Variants in ZFAT observed in about 807,000 individuals in gnomAD.
The protein encoded by ZFAT is zinc finger protein ZFAT.
ZFAT carries 64 observed loss-of-function variants against 117.7 expected under a neutral mutation model. The observed-to-expected ratio is 0.54, with a 90% CI of 0.44 to 0.67. ZFAT has a LOEUF of 0.67. Ranked by LOEUF, ZFAT falls within the 30% of genes least tolerant of loss-of-function variation. The pLI, the probability that ZFAT is intolerant of heterozygous loss-of-function variation, is 0.00. For synonymous variants in ZFAT, 679 were observed against 615.0 expected, an observed-to-expected ratio of 1.10 and a Z score of -1.54; for missense variants, 1,433 against 1,584.5, an observed-to-expected ratio of 0.90 and a Z score of 1.62.
intron 1 of ZFAT, among the ~76,000 whole-genome samples, chr8:134,670,861 C>A (rs1438610606): frequency 6.6e-6 from 1 of 152,042 alleles, no homozygotes; most frequent in Non-Finnish European, 1.5e-5. Flanking sequence ...ACTAGCCACA[C>A]TAATAAAGAA....
the ZFAT span, among the ~76,000 whole-genome samples, chr8:134,811,477 C>T: frequency 6.6e-6 from 1 of 152,086 alleles, no homozygotes; most frequent in African/African-American, 2.4e-5. Context: ...TACCATTATT[C>T]CCAGGTCAGA....
the ZFAT span, among the ~76,000 whole-genome samples, chr8:134,802,666 A>G: frequency 3.0e-4 from 45 of 152,356 alleles, no homozygotes; most frequent in African/African-American, 1.0e-3. Flanking sequence ...TGTCATTTAC[A>G]GAATGGTGTT....
chr8:134,779,051 G>C, the ZFAT span, among the ~76,000 whole-genome samples: 4 of 152,154 alleles, frequency 2.6e-5, no homozygotes, highest in African/African-American at 4.8e-5. Context: ...TTTTTAAAGA[G>C]CAGGTTCCAC....
chr8:134,712,786 GCGCGCCGCGCCGCGCCCC>G lies in ZFAT; in HGVS notation c.19+41_19+58del, dbSNP rs1814069913. 2.7e-5 allele frequency: 38 copies of G among 1,397,586 alleles called. No individual in the cohort carries two copies. In the South Asian group the frequency reaches 4.6e-4, roughly 17 times the overall value. 86.6% of individuals were successfully genotyped at this position (1,397,586 alleles called of 1,614,324 possible). ...GACTCGACGCTCGAAACGGCTTTCC[GCGCGCCGCGCCGCGCCCC>G]ACCCCCACCCCGTCTCACCCCAACC... On this transcript the variant is annotated intron_variant, in intron 1 of 15. Coordinates refer to ENST00000377838, the MANE Select transcript of ZFAT (RefSeq NM_020863.4).
chr8:134,639,688 T>G (rs1830472945), intron 2 of ZFAT: 1 of 455,790 alleles, frequency 2.2e-6, no homozygotes, highest in Admixed American at 2.4e-5. Context: ...TTATTCTTCT[T>G]CACAACAACG....
At chr8:134,558,641 A>T (rs1428889419) in intron 11 of ZFAT, among the ~76,000 whole-genome samples, 1 of 152,212 alleles carries the variant, frequency 6.6e-6, no homozygotes, top group Non-Finnish European at 1.5e-5. Context: ...AAAAGTATAT[A>T]AACCACGATC....
chr8:134,600,416 C>A lies in ZFAT; in HGVS notation c.2475+20G>T. On this transcript the variant is annotated intron_variant, in intron 7 of 15. Coordinates refer to ENST00000377838, the MANE Select transcript of ZFAT (RefSeq NM_020863.4). ...GAGCACCCAGGGGAGACGGGGCTGC[C>A]GCTTGGGCTTGCTACTTACCAGTGC... 2 of 1,608,604 alleles carry A rather than the reference C, an allele frequency of 1.2e-6. No homozygotes were observed. Among genetic ancestry groups the A allele is most frequent in the Non-Finnish European group, 1.7e-6 (2 of 1,174,986 alleles).
chr8:134,738,151 A>G, the ZFAT span, among the ~76,000 whole-genome samples: 3 of 152,196 alleles, frequency 2.0e-5, no homozygotes, highest in African/African-American at 7.2e-5. Context: ...TGATGCACAT[A>G]AAATGATTTA....
At chr8:134,658,582 T>C (rs997750009) in intron 1 of ZFAT, among the ~76,000 whole-genome samples, 2 of 152,178 alleles carry the variant, frequency 1.3e-5, no homozygotes, top group African/African-American at 4.8e-5. Context: ...TACCAATAGT[T>C]CATTATGTTC....
chr8:134,813,801 TACACACAC>T, the ZFAT span, among the ~76,000 whole-genome samples: 18,371 of 147,076 alleles, frequency 0.12, 1,167 homozygotes, highest in Non-Finnish European at 0.15. Context: ...TTTGATTTTA[TACACACAC>T]ACACACACAC....
intron 11 of ZFAT, among the ~76,000 whole-genome samples, chr8:134,544,994 A>T (rs905373896): frequency 2.0e-5 from 3 of 152,220 alleles, no homozygotes; most frequent in African/African-American, 7.2e-5. Context: ...CAGGGGACAC[A>T]CACGTCATGA....
upstream of ZFAT, among the ~76,000 whole-genome samples, chr8:134,716,375 G>A (rs1482540776): frequency 6.6e-5 from 10 of 152,108 alleles, no homozygotes; most frequent in Admixed American, 5.9e-4. Context: ...ATCTCACTAT[G>A]AACATAATTA....
rs1208717644 is a variant in ZFAT, at chr8:134,588,124, T to C, written c.2713+122A>G. 2.5e-6 allele frequency: 3 copies of C among 1,178,000 alleles called. No individual in the cohort carries two copies. The African/African-American group carries it at 4.7e-5, about 18-fold the overall frequency. 73.0% of individuals were successfully genotyped at this position (1,178,000 alleles called of 1,614,324 possible). ...GCTGGTTGATGGACACATCTCTCAGTGTGCTAAGGAAATTCTAACAGCAGG... is the reference window on the plus strand; with the variant it reads ...GCTGGTTGATGGACACATCTCTCAGCGTGCTAAGGAAATTCTAACAGCAGG... On this transcript the variant is annotated intron_variant, in intron 9 of 15. Coordinates refer to ENST00000377838, the MANE Select transcript of ZFAT (RefSeq NM_020863.4).
chr8:134,629,830 G>A (rs1413794052), intron 3 of ZFAT, among the ~76,000 whole-genome samples: 1 of 152,188 alleles, frequency 6.6e-6, no homozygotes, highest in East Asian at 1.9e-4. Flanking sequence ...TTATAGCAGT[G>A]TGAAAACGGA....
intron 1 of ZFAT, among the ~76,000 whole-genome samples, chr8:134,691,190 C>T (rs1833566699): frequency 6.6e-6 from 1 of 152,240 alleles, no homozygotes; most frequent in African/African-American, 2.4e-5. Flanking sequence ...CCCCTTTTCC[C>T]TCACCATGCT....
At chr8:134,548,131 C>A (rs1191602537) in intron 11 of ZFAT, among the ~76,000 whole-genome samples, 4 of 152,228 alleles carry the variant, frequency 2.6e-5, no homozygotes, top group African/African-American at 7.2e-5. Context: ...TAAATTTCTA[C>A]AGAACCTATT....
At chr8:134,566,177 G>C (rs571186974) in intron 10 of ZFAT, among the ~76,000 whole-genome samples, 2 of 152,048 alleles carry the variant, frequency 1.3e-5, no homozygotes, top group African/African-American at 4.8e-5. Context: ...GGCAGATCAC[G>C]AGGTCAGGAG....
intron 1 of ZFAT, among the ~76,000 whole-genome samples, chr8:134,672,016 A>G (rs944093242): frequency 2.6e-5 from 4 of 152,258 alleles, no homozygotes; most frequent in Non-Finnish European, 4.4e-5. Context: ...TGCTTCAAAG[A>G]GAATAAAATA....
chr8:134,694,137 G>A lies in ZFAT; in HGVS notation c.19+18708C>T, dbSNP rs115217773. Among the ~76,000 whole-genome samples the A allele has an allele frequency of 4.5e-3, 683 of 152,272 alleles. 7 individuals are homozygous for A. Among genetic ancestry groups the A allele is most frequent in the African/African-American group, 0.016 (653 of 41,538 alleles). On this transcript the variant is annotated intron_variant, in intron 1 of 15. Transcript: ENST00000377838. ...ATTCAGAGTGAAGAGACATGACGCT[G>A]GAACGCGGGGCGCAGCTGAGGTGTC...
Sources: allele counts gnomAD v4.1 joint callset (sites outside exome capture counted in the v4.1 genomes callset), GRCh38; gene constraint gnomAD v4.1.1; transcripts MANE v1.5; gene names NCBI Gene and HGNC (gene_info 2026-07-23, HGNC 2026-07-21).